The following SCEL variants were observed in gnomAD, a reference collection of about 807,000 sequenced individuals.
The protein encoded by SCEL is sciellin.
SCEL carries 113 observed loss-of-function variants against 117.6 expected under a neutral mutation model. The observed-to-expected ratio is 0.96, with a 90% confidence interval of 0.83 to 1.12. The LOEUF is 1.12. SCEL is among the 50% of genes most tolerant of loss of function. SCEL has a pLI of 0.00. For missense variants in SCEL, 785 were observed against 810.8 expected (o/e 0.97, Z 0.39); for synonymous variants, 270 against 256.2 (o/e 1.05, Z -0.51).
chr13:77,591,928 G>A (rs868667628), intron 11 of SCEL, among the ~76,000 whole-genome samples: 1 of 152,082 alleles, frequency 6.6e-6, no homozygotes, highest in African/African-American at 2.4e-5. Flanking sequence ...TTCCCCAAAT[G>A]TCTGGTCTCC....
At chr13:77,554,111 G>A (rs1255732075) in intron 1 of SCEL, among the ~76,000 whole-genome samples, 1 of 152,132 alleles carries the variant, frequency 6.6e-6, no homozygotes, top group African/African-American at 2.4e-5. Flanking sequence ...TCAGGAGAAG[G>A]GAGTGAGGCA....
chr13:77,543,107 G>A (rs1476200981), intron 1 of SCEL, among the ~76,000 whole-genome samples: 9 of 131,864 alleles, frequency 6.8e-5, no homozygotes, highest in Admixed American at 1.7e-4. Context: ...TTTTTGAGAC[G>A]GAGTCTCGCT....
At chr13:77,584,395 A>T (rs1243424008) in intron 9 of SCEL, among the ~76,000 whole-genome samples, 1 of 152,216 alleles carries the variant, frequency 6.6e-6, no homozygotes, top group African/African-American at 2.4e-5. Flanking sequence ...CTCCTGGCCC[A>T]GCAGGGGTGT....
intron 1 of SCEL, among the ~76,000 whole-genome samples, chr13:77,552,267 C>A (rs1479423613): frequency 6.7e-6 from 1 of 149,042 alleles, no homozygotes; most frequent in East Asian, 2.0e-4. Flanking sequence ...GAGGAATCGC[C>A]ACACTGACTT....
chr13:77,637,951 G>A (rs1253535555), intron 30 of SCEL, among the ~76,000 whole-genome samples: 2 of 152,156 alleles, frequency 1.3e-5, no homozygotes, highest in Non-Finnish European at 2.9e-5. Context: ...AGTATGGCAT[G>A]CAGATTTCCA....
intron 15 of SCEL, among the ~76,000 whole-genome samples, chr13:77,601,114 CTTTT>C (rs11378449): frequency 1.4e-5 from 2 of 141,054 alleles, no homozygotes; most frequent in Non-Finnish European, 3.1e-5. Flanking sequence ...AAAACAGTCT[CTTTT>C]TTTTTTTTTT....
At chr13:77,618,170 C>A in intron 27 of SCEL, 110 bp downstream of exon 27, 2 of 818,366 alleles carry the variant, frequency 2.4e-6, no homozygotes, top group Non-Finnish European at 4.2e-6. Flanking sequence ...CCTTTCCTCC[C>A]TTCCTCCCTT....
chr13:77,579,398 T>A (rs2154398602), intron 9 of SCEL, among the ~76,000 whole-genome samples: 1 of 152,348 alleles, frequency 6.6e-6, no homozygotes, highest in East Asian at 1.9e-4. Flanking sequence ...TTTCTTAATA[T>A]CTACTAGACA....
At chr13:77,573,641 CTAT>C (rs2085770305) in intron 9 of SCEL, among the ~76,000 whole-genome samples, 1 of 60,450 alleles carries the variant, frequency 1.7e-5, no homozygotes, top group African/African-American at 7.6e-5. Context: ...GTCATTACAT[CTAT>C]CTATCTATCT....
chr13:77,544,697 A>T (rs188575324), intron 1 of SCEL, among the ~76,000 whole-genome samples: 5 of 152,296 alleles, frequency 3.3e-5, no homozygotes, highest in South Asian at 4.1e-4. Context: ...GTTATTAGAG[A>T]TAGAAAATAC....
At chr13:77,557,108 A>G (rs182107029) in intron 3 of SCEL, among the ~76,000 whole-genome samples, 11 of 152,354 alleles carry the variant, frequency 7.2e-5, no homozygotes, top group Non-Finnish European at 1.3e-4. Context: ...GTGTAATTCC[A>G]AATTTAACAT....
chr13:77,630,404 C>T (rs1302493134), intron 28 of SCEL, among the ~76,000 whole-genome samples: 4 of 152,140 alleles, frequency 2.6e-5, no homozygotes, highest in Non-Finnish European at 4.4e-5. Flanking sequence ...GGTGGCCAGA[C>T]AATTTTGTTT....
chr13:77,598,485 C>T (rs1209182549), intron 13 of SCEL, among the ~76,000 whole-genome samples: 2 of 152,016 alleles, frequency 1.3e-5, no homozygotes, highest in African/African-American at 4.8e-5. Context: ...TCACAGACTC[C>T]ACGGCCCGCT....
intron 17 of SCEL, 123 bp from the exon 18 acceptor site, chr13:77,602,953 C>A: frequency 1.6e-6 from 1 of 644,426 alleles, no homozygotes; most frequent in South Asian, 2.5e-5. Flanking sequence ...TACTTAAAGC[C>A]AATTTAATGT....
intron 1 of SCEL, among the ~76,000 whole-genome samples, chr13:77,550,387 A>AATATAT (rs71203062): frequency 6.9e-6 from 1 of 144,504 alleles, no homozygotes. Flanking sequence ...CTTTGTCTAA[A>AATATAT]ATATATATAT....
chr13:77,627,552 G>A (rs1312685815), intron 27 of SCEL, among the ~76,000 whole-genome samples: 1 of 152,054 alleles, frequency 6.6e-6, no homozygotes, highest in Non-Finnish European at 1.5e-5. Context: ...TAAGGTGATA[G>A]ATAGCCCAAG....
At chr13:77,546,631 C>T (rs1025706098) in intron 1 of SCEL, among the ~76,000 whole-genome samples, 16 of 150,440 alleles carry the variant, frequency 1.1e-4, no homozygotes, top group African/African-American at 2.7e-4. Flanking sequence ...ATTTGCTGCA[C>T]GATGGCTTAG....
Position 77,602,639 on chromosome 13 carries a change from G to A in SCEL, c.978-15G>A. 1 of 1,611,552 alleles carries A rather than the reference G, an allele frequency of 6.2e-7. No homozygotes were observed. The highest frequency in any genetic ancestry group is 1.1e-5 in the South Asian group (1 of 90,932). On this transcript the variant is annotated splice_polypyrimidine_tract_variant and intron_variant, in intron 16 of 32. Transcript: ENST00000349847. The stretch of plus-strand genomic sequence containing the variant: ...ACTGTAACCTAACTGACAAGTTTTG[G>A]TGTTTTTTCCAAAGAAGACAAAATC...
At chr13:77,538,664 C>T (rs1224098684) in intron 1 of SCEL, among the ~76,000 whole-genome samples, 2 of 152,130 alleles carry the variant, frequency 1.3e-5, no homozygotes, top group Admixed American at 1.3e-4. Flanking sequence ...AATTTTATAG[C>T]TACCTATTCA....
Sources: gnomAD v4.1 joint callset for allele counts (sites outside exome capture counted in the v4.1 genomes callset) on GRCh38, gnomAD v4.1.1 for gene constraint, MANE v1.5 for transcripts, NCBI Gene and HGNC (gene_info 2026-07-23, HGNC 2026-07-21) for gene names.